Variants in PCDH15 observed in about 807,000 individuals in gnomAD.
The protein encoded by PCDH15 is protocadherin-15.
In PCDH15, 129 loss-of-function variants were observed where a neutral mutation model predicts 178.5. That is an observed-to-expected ratio of 0.72 (90% CI 0.63 to 0.84). The LOEUF (loss-of-function observed/expected upper bound fraction) is 0.84, where lower values mean the gene tolerates loss of function less well. Among genes scored for constraint, PCDH15 ranks in the 40% least tolerant of loss-of-function variants. PCDH15 has a pLI of 0.00. For missense variants in PCDH15, 2,230 were observed against 2,099.9 expected (o/e 1.06, Z -1.21); for synonymous variants, 800 against 732.0 (o/e 1.09, Z -1.50).
intron 1 of PCDH15, among the ~76,000 whole-genome samples, chr10:55,287,623 G>A (rs1842903653): frequency 6.6e-6 from 1 of 151,914 alleles, no homozygotes. Flanking sequence ...CTCTCTCCAG[G>A]TCTAATGACA....
chr10:54,444,121 A>G (rs1421644058), intron 3 of PCDH15, among the ~76,000 whole-genome samples: 2 of 151,706 alleles, frequency 1.3e-5, no homozygotes, highest in African/African-American at 4.8e-5. Context: ...GGGAATATTT[A>G]CCTGGTATTT....
intron 8 of PCDH15, among the ~76,000 whole-genome samples, chr10:54,248,056 G>A (rs901454439): frequency 6.6e-6 from 1 of 150,958 alleles, no homozygotes; most frequent in African/African-American, 2.4e-5. Flanking sequence ...TAATCTGGGT[G>A]TTAAAATTGA....
At chr10:55,102,676 C>A (rs998508751) in intron 2 of PCDH15, among the ~76,000 whole-genome samples, 1 of 152,092 alleles carries the variant, frequency 6.6e-6, no homozygotes, top group Non-Finnish European at 1.5e-5. Context: ...TTGAGCAATG[C>A]AGGGGTTAAG....
intron 2 of PCDH15, among the ~76,000 whole-genome samples, chr10:54,533,571 T>C (rs560160400): frequency 6.6e-6 from 1 of 152,208 alleles, no homozygotes; most frequent in Non-Finnish European, 1.5e-5. Context: ...TTTACCAAAC[T>C]GTATCTTAAA....
chr10:55,248,635 C>A (rs1327381275), intron 1 of PCDH15, among the ~76,000 whole-genome samples: 7 of 152,072 alleles, frequency 4.6e-5, no homozygotes, highest in African/African-American at 1.7e-4. Flanking sequence ...CAGTGGCCTC[C>A]CTGCAACCTC....
At chr10:53,906,839 C>T (rs1237916589) in intron 25 of PCDH15, 7 of 151,342 alleles carry the variant, frequency 4.6e-5, no homozygotes, top group Non-Finnish European at 7.4e-5. Context: ...AAAAACAACC[C>T]ACTAGGCTTA....
At chr10:54,342,154 A>G (rs1364078722) in intron 6 of PCDH15, among the ~76,000 whole-genome samples, 1 of 152,180 alleles carries the variant, frequency 6.6e-6, no homozygotes, top group Non-Finnish European at 1.5e-5. Flanking sequence ...CCAACTATTA[A>G]TAGCCAAGAC....
rs142612661 is a variant in PCDH15, at chr10:55,371,108, C to T, written c.-155-204457G>A. Among the ~76,000 whole-genome samples the T allele has an allele frequency of 3.3e-3, 503 of 151,912 alleles. 2 individuals are homozygous for T. The highest frequency in any genetic ancestry group is 9.8e-3 in the African/African-American group (407 of 41,446). On this transcript the variant is annotated intron_variant, in intron 2 of 5. Coordinates refer to the PCDH15 transcript ENST00000613346. The stretch of plus-strand genomic sequence containing the variant: ...TTTCATGTAAGAGGGTAAAATATAG[C>T]CATGTAAAACAATTTAAGGAAAGGA...
chr10:54,908,238 G>A (rs1389749550), intron 2 of PCDH15, among the ~76,000 whole-genome samples: 1 of 152,196 alleles, frequency 6.6e-6, no homozygotes, highest in Non-Finnish European at 1.5e-5. Flanking sequence ...GAGTGGGCAT[G>A]GGGTTCAGTT....
Position 53,853,489 on chromosome 10 carries a change from G to C in PCDH15, c.3806+3686C>G, listed in dbSNP as rs557653126. On this transcript the variant is annotated intron_variant, in intron 28 of 37. Coordinates refer to ENST00000644397, the MANE Select transcript of PCDH15 (RefSeq NM_001384140.1). ...TCATCAGGGTGAAAAGGCAACCTAT[G>C]GAATAGGAGAAAATATTTGCAAATC... Among the ~76,000 whole-genome samples, 13 of 152,088 alleles carry C rather than the reference G, an allele frequency of 8.5e-5. No individual in the cohort carries two copies. In the South Asian group the frequency reaches 2.7e-3, roughly 32 times the overall value.
intron 2 of PCDH15, among the ~76,000 whole-genome samples, chr10:55,615,079 T>C (rs2204247): frequency 0.016 from 2,503 of 152,266 alleles, 37 homozygotes; most frequent in Middle Eastern, 0.072. Context: ...CTTCTGACCA[T>C]GTCCTTTAAA....
In PCDH15 at chr10:55,376,006, A is replaced by AAAT. The variant is rs1837387682; in HGVS notation, c.-155-209356_-155-209355insATT. Among the ~76,000 whole-genome samples, 14 of 152,122 alleles carry AAAT rather than the reference A, an allele frequency of 9.2e-5. No individual in the cohort carries two copies. In the South Asian group the frequency reaches 2.7e-3, roughly 29 times the overall value. ...AATAGTTAATATAACATTTTAGTTT[A>AAAT]GGACCATATTTATCACACTAGATCA... On this transcript the variant is annotated intron_variant, in intron 2 of 5. Coordinates refer to the PCDH15 transcript ENST00000613346.
intron 2 of PCDH15, among the ~76,000 whole-genome samples, chr10:54,952,596 C>T (rs941374220): frequency 2.0e-5 from 3 of 151,650 alleles, no homozygotes; most frequent in African/African-American, 7.3e-5. Context: ...AGAAATGATG[C>T]CTTGACAATA....
At chr10:53,853,930 A>G (rs2078559664) in intron 28 of PCDH15, among the ~76,000 whole-genome samples, 1 of 152,024 alleles carries the variant, frequency 6.6e-6, no homozygotes, top group Non-Finnish European at 1.5e-5. Context: ...CAAAAGAATG[A>G]AAGCAGGATA....
intron 2 of PCDH15, among the ~76,000 whole-genome samples, chr10:55,594,297 A>T (rs1343292508): frequency 6.6e-6 from 1 of 152,010 alleles, no homozygotes; most frequent in Non-Finnish European, 1.5e-5. Context: ...AGACAGAGTG[A>T]TAATAATTTG....
chr10:54,912,945 T>C (rs534683058), intron 2 of PCDH15, among the ~76,000 whole-genome samples: 1 of 152,104 alleles, frequency 6.6e-6, no homozygotes, highest in Non-Finnish European at 1.5e-5. Flanking sequence ...GCATTGTGCC[T>C]CTGCTCAAGA....
At chr10:53,889,595 G>A (rs763919605) in intron 26 of PCDH15, among the ~76,000 whole-genome samples, 11 of 151,936 alleles carry the variant, frequency 7.2e-5, no homozygotes, top group Non-Finnish European at 1.5e-4. Flanking sequence ...AGATACTGCT[G>A]AGGGGATATA....
At chr10:53,931,685 A>T (rs906885667) in intron 25 of PCDH15, among the ~76,000 whole-genome samples, 2 of 152,184 alleles carry the variant, frequency 1.3e-5, no homozygotes, top group African/African-American at 2.4e-5. Context: ...GCTGTTGAAT[A>T]AAAGCTCAAG....
At chr10:55,265,319 T>C (rs1178911347) in intron 1 of PCDH15, among the ~76,000 whole-genome samples, 3 of 151,064 alleles carry the variant, frequency 2.0e-5, no homozygotes, top group Non-Finnish European at 4.4e-5. Context: ...ATGATATATA[T>C]ATATATATAG....
Sources: gnomAD v4.1 joint callset for allele counts (sites outside exome capture counted in the v4.1 genomes callset) on GRCh38, gnomAD v4.1.1 for gene constraint, MANE v1.5 for transcripts, NCBI Gene and HGNC (gene_info 2026-07-23, HGNC 2026-07-21) for gene names.